The following VAMP4 variants were observed in gnomAD, a reference collection of about 807,000 sequenced individuals.
VAMP4 encodes the protein vesicle-associated membrane protein 4.
A neutral mutation model predicts 23.5 loss-of-function variants in VAMP4; 19 were observed. The observed-to-expected ratio is 0.81, with a 90% CI of 0.56 to 1.19. VAMP4 has a LOEUF of 1.19. Among genes scored for constraint, VAMP4 ranks in the 50% most tolerant of loss-of-function variants. VAMP4 has a pLI of 0.00. For missense variants in VAMP4, 145 were observed against 168.6 expected (o/e 0.86, Z 0.78); for synonymous variants, 31 against 51.0 (o/e 0.61, Z 1.67).
At chr1:171,717,717 C>G (rs1283186104) in intron 4 of VAMP4, among the ~76,000 whole-genome samples, 1 of 152,010 alleles carries the variant, frequency 6.6e-6, no homozygotes, top group Admixed American at 6.6e-5. Flanking sequence ...TCCCAAAGTG[C>G]TGGGATTACA....
At chr1:171,715,629 C>T (rs4468194) in intron 4 of VAMP4, among the ~76,000 whole-genome samples, 53,239 of 152,000 alleles carry the variant, frequency 0.35, 9,763 homozygotes, top group African/African-American at 0.47. Flanking sequence ...GCATAGTGCC[C>T]AACACATAGC....
At chr1:171,717,326 A>G (rs1655052383) in intron 4 of VAMP4, among the ~76,000 whole-genome samples, 1 of 152,192 alleles carries the variant, frequency 6.6e-6, no homozygotes, top group African/African-American at 2.4e-5. Flanking sequence ...GACATTACAC[A>G]TTGGCATCCA....
intron 2 of VAMP4, among the ~76,000 whole-genome samples, chr1:171,733,018 A>G (rs12089083): frequency 0.16 from 24,755 of 152,074 alleles, 2,463 homozygotes; most frequent in African/African-American, 0.28. Context: ...ATAATTCCCA[A>G]TAGAAGAAAT....
intron 6 of VAMP4, among the ~76,000 whole-genome samples, chr1:171,708,697 C>CA (rs1654741102): frequency 8.4e-6 from 1 of 119,532 alleles, no homozygotes. Flanking sequence ...CCCGTCTCTA[C>CA]TAAAAAAAAA....
chr1:171,706,903 C>T (rs1572237799), intron 6 of VAMP4, among the ~76,000 whole-genome samples: 1 of 152,136 alleles, frequency 6.6e-6, no homozygotes, highest in Admixed American at 6.6e-5. Context: ...ATTTCTAAAA[C>T]AATTTGGAAT....
Position 171,728,829 on chromosome 1 carries a change from G to C in VAMP4, c.67-259C>G, listed in dbSNP as rs116440766. On this transcript the variant is annotated intron_variant, in intron 2 of 7. Coordinates refer to ENST00000236192, the MANE Select transcript of VAMP4 (RefSeq NM_003762.5). ...TAGAAAGGTCACTGAAGCTGGTATG[G>C]GAGTGAGGAACTGCAGGTAGTCAGG... Among the ~76,000 whole-genome samples the C allele has an allele frequency of 5.8e-3, 878 of 152,312 alleles. 8 individuals carry two copies. Among genetic ancestry groups the C allele is most frequent in the African/African-American group, 0.02 (830 of 41,572 alleles).
chr1:171,723,441 A>G (rs1241053293), intron 3 of VAMP4, among the ~76,000 whole-genome samples: 1 of 151,942 alleles, frequency 6.6e-6, no homozygotes, highest in Non-Finnish European at 1.5e-5. Flanking sequence ...CATTTTAGAA[A>G]CCTCCCCTAG....
chr1:171,729,827 TAC>T (rs1655502446), intron 2 of VAMP4, among the ~76,000 whole-genome samples: 1 of 152,158 alleles, frequency 6.6e-6, no homozygotes, highest in Non-Finnish European at 1.5e-5. Context: ...ACCTGGCTAA[TAC>T]AGTCACCAAA....
chr1:171,725,003 A>C (rs1655321594), intron 3 of VAMP4, among the ~76,000 whole-genome samples: 1 of 152,176 alleles, frequency 6.6e-6, no homozygotes, highest in Admixed American at 6.5e-5. Flanking sequence ...TAAGTAATTC[A>C]CTTAATGAAC....
At chr1:171,715,126 GAA>G (rs1020790162) in intron 4 of VAMP4, among the ~76,000 whole-genome samples, 1 of 152,136 alleles carries the variant, frequency 6.6e-6, no homozygotes, top group Non-Finnish European at 1.5e-5. Flanking sequence ...AAGGAATTGG[GAA>G]AAGAGTAGAC....
chr1:171,709,782 C>T (rs1309720323), intron 5 of VAMP4, 38 bp from the exon 6 acceptor site: 1 of 1,493,682 alleles, frequency 6.7e-7, no homozygotes, highest in Non-Finnish European at 9.3e-7. Context: ...GATTAAACGA[C>T]ATAACAGGAT....
At position 171,738,359 on chromosome 1, in the gene VAMP4, T is replaced by C; in HGVS notation, c.56A>G (p.Lys19Arg). The change falls in exon 2 of 8, where the codon AAA becomes AGA. Residue 19 changes from lysine (K) to arginine (R), a missense_variant. Physicochemically the swap from Lys to Arg is conservative, Grantham distance 26. Coordinates refer to ENST00000236192, the MANE Select transcript of VAMP4 (RefSeq NM_003762.5). ...AGATTCCGAACTTACCCTTTCACTT[T>C]TCACAGAACCTGTGACATCATCATC... is the stretch of plus-strand genomic sequence containing the variant. ...LNDDDVTGSV[K>R]SERRNLLEDD... 6.2e-7 allele frequency: 1 copy of C among 1,614,032 alleles called. No homozygotes were observed. Among genetic ancestry groups the C allele is most frequent in the Non-Finnish European group, 8.5e-7 (1 of 1,179,962 alleles).
At chr1:171,722,336 T>A (rs1655222727) in intron 3 of VAMP4, among the ~76,000 whole-genome samples, 1 of 152,158 alleles carries the variant, frequency 6.6e-6, no homozygotes, top group Non-Finnish European at 1.5e-5. Context: ...ATTCAGGACA[T>A]AGGCATGGGC....
intron 3 of VAMP4, among the ~76,000 whole-genome samples, chr1:171,725,093 T>G (rs1655323939): frequency 6.6e-6 from 1 of 152,196 alleles, no homozygotes; most frequent in African/African-American, 2.4e-5. Context: ...TCCCTTTTCC[T>G]CAAAAGCCCT....
intron 1 of VAMP4, among the ~76,000 whole-genome samples, chr1:171,740,549 CTT>C (rs1415439034): frequency 6.6e-6 from 1 of 152,204 alleles, no homozygotes; most frequent in Non-Finnish European, 1.5e-5. Flanking sequence ...AGTAACAGCT[CTT>C]GAGTTCTTGG....
chr1:171,706,221 T>A, intron 7 of VAMP4, 146 bp downstream of exon 7: 1 of 601,434 alleles, frequency 1.7e-6, no homozygotes, highest in Non-Finnish European at 2.8e-6. Context: ...CAGAGATCAA[T>A]AGATTCTAAG....
At chr1:171,722,185 G>C (rs1414153258) in intron 3 of VAMP4, among the ~76,000 whole-genome samples, 1 of 152,004 alleles carries the variant, frequency 6.6e-6, no homozygotes, top group East Asian at 1.9e-4. Flanking sequence ...ATGGTGCTGG[G>C]AAAACTGGCT....
intron 3 of VAMP4, among the ~76,000 whole-genome samples, chr1:171,727,190 A>C (rs973642961): frequency 1.3e-5 from 2 of 149,400 alleles, no homozygotes; most frequent in African/African-American, 4.9e-5. Flanking sequence ...TGGTGAGCCA[A>C]GACTGCGCCA....
At chr1:171,718,822 G>C (rs113725857) in intron 4 of VAMP4, among the ~76,000 whole-genome samples, 62 of 152,218 alleles carry the variant, frequency 4.1e-4, no homozygotes, top group African/African-American at 1.3e-3. Flanking sequence ...CATTTCCTTA[G>C]CTATAATTCT....
Sources: gnomAD v4.1 joint callset for allele counts (sites outside exome capture counted in the v4.1 genomes callset) on GRCh38, gnomAD v4.1.1 for gene constraint, MANE v1.5 for transcripts, NCBI Gene and HGNC (gene_info 2026-07-23, HGNC 2026-07-21) for gene names.